Variants in CPA4 observed in about 807,000 individuals in gnomAD.
CPA4 encodes carboxypeptidase A4, also known as carboxypeptidase A3.
In CPA4, 49 loss-of-function variants were observed where a neutral mutation model predicts 54.7. That is an observed-to-expected ratio of 0.90 (90% CI 0.71 to 1.14). The LOEUF is 1.14. Among genes scored for constraint, CPA4 ranks in the 50% most tolerant of loss-of-function variants. The probability of loss-of-function intolerance (pLI) is 0.00; values close to 1 mark genes in which losing one functional copy is unlikely to be tolerated. For synonymous variants in CPA4, 215 were observed against 206.8 expected (o/e 1.04, Z -0.34); for missense variants, 487 against 525.1 (o/e 0.93, Z 0.71).
intron 8 of CPA4, among the ~76,000 whole-genome samples, chr7:130,308,691 G>T (rs1793865219): frequency 6.6e-6 from 1 of 150,652 alleles, no homozygotes; most frequent in African/African-American, 2.5e-5. Context: ...CTGAGTAGCT[G>T]GGACTGCAGG....
chr7:130,312,148 A>T lies in CPA4; in HGVS notation c.1078+26A>T, dbSNP rs192320982. Reference sequence around the variant, plus strand: ...GTAAGTACTCGCTTATTTATGAGTTATTTAGAAAGCACTTTGAGAGGAAAC... The same window carrying T: ...GTAAGTACTCGCTTATTTATGAGTTTTTTAGAAAGCACTTTGAGAGGAAAC... On this transcript the variant is annotated intron_variant, in intron 10 of 10. Coordinates refer to ENST00000222482, the MANE Select transcript of CPA4 (RefSeq NM_016352.4). The T allele has an allele frequency of 5.6e-5, 87 of 1,541,398 alleles. 1 individual carries two copies. In the Admixed American group the frequency reaches 1.2e-3, roughly 20 times the overall value.
chr7:130,295,553 T>C (rs1420246640), intron 1 of CPA4, among the ~76,000 whole-genome samples: 3 of 152,210 alleles, frequency 2.0e-5, no homozygotes, highest in Admixed American at 2.0e-4. Context: ...TCCACCATCT[T>C]GAGCCTCATG....
At chr7:130,298,679 G>T (rs971898181) in intron 1 of CPA4, 67 bp from the exon 2 acceptor site, 4 of 952,668 alleles carry the variant, frequency 4.2e-6, no homozygotes, top group South Asian at 1.3e-5. Context: ...GAGGCTTGGG[G>T]GTTTCTTTGC....
In CPA4 at chr7:130,306,914, G is replaced by A. The variant is rs780397025; in HGVS notation, c.702+17G>A. On this transcript the variant is annotated intron_variant, in intron 7 of 10. Coordinates refer to ENST00000222482, the MANE Select transcript of CPA4 (RefSeq NM_016352.4). ...CAAACTCAAGTGAGTATTCCCAAATGGGCTGGGCTTGCAGACTGTTGAATT... is the reference window on the plus strand; with the variant it reads ...CAAACTCAAGTGAGTATTCCCAAATAGGCTGGGCTTGCAGACTGTTGAATT... The A allele has an allele frequency of 5.1e-6, 7 of 1,364,434 alleles. No homozygotes were observed. In the African/African-American group the frequency reaches 8.6e-5, roughly 17 times the overall value. The allele number at this position is 1,364,434 out of a possible 1,614,324, so 84.5% of individuals were successfully genotyped here.
At chr7:130,315,103 T>G (rs1793969370) in intron 10 of CPA4, among the ~76,000 whole-genome samples, 2 of 149,752 alleles carry the variant, frequency 1.3e-5, no homozygotes, top group East Asian at 2.0e-4. Context: ...TCCACTTAGG[T>G]GTGAGGGGGG....
At chr7:130,301,017 C>T in intron 4 of CPA4, 103 bp downstream of exon 4, 2 of 743,302 alleles carry the variant, frequency 2.7e-6, no homozygotes, top group Admixed American at 2.1e-5. Context: ...ACAATATCCC[C>T]TCACTGAGGG....
intron 1 of CPA4, among the ~76,000 whole-genome samples, chr7:130,295,682 A>T (rs927997963): frequency 6.6e-5 from 10 of 152,182 alleles, no homozygotes; most frequent in African/African-American, 2.4e-4. Flanking sequence ...GCTTCTGTTC[A>T]TAAGGATAAT....
At chr7:130,319,243 T>C (rs182406065) in intron 10 of CPA4, among the ~76,000 whole-genome samples, 2 of 152,344 alleles carry the variant, frequency 1.3e-5, no homozygotes, top group Admixed American at 1.3e-4. Context: ...ACAAGTTCTT[T>C]GGGTTCATCT....
chr7:130,319,999 C>T (rs1047098176), intron 10 of CPA4, among the ~76,000 whole-genome samples: 1 of 152,020 alleles, frequency 6.6e-6, no homozygotes, highest in African/African-American at 2.4e-5. Flanking sequence ...GACCTTGGTT[C>T]GGGGGCGGCT....
intron 1 of CPA4, among the ~76,000 whole-genome samples, chr7:130,296,159 G>A (rs1428622897): frequency 6.6e-6 from 1 of 152,206 alleles, no homozygotes; most frequent in Admixed American, 6.5e-5. Context: ...ATGGATTGCA[G>A]GCAGTGGGAA....
chr7:130,304,737 C>A, intron 5 of CPA4, 158 bp downstream of exon 5: 1 of 623,370 alleles, frequency 1.6e-6, no homozygotes. Flanking sequence ...CTGACAGAGC[C>A]CCTTGCTTTT....
rs575191589 is a variant in CPA4 at position 130,324,175 on chromosome 7, G to A, written c.*1499G>A. On this transcript the variant is annotated 3_prime_UTR_variant, in exon 11 of 11. Coordinates refer to ENST00000222482, the MANE Select transcript of CPA4 (RefSeq NM_016352.4). ...ATAAGCCAATAAATATTCAATGTGAGTTTCATGATCATCTCCTATTCTTTG... is the reference window on the plus strand; with the variant it reads ...ATAAGCCAATAAATATTCAATGTGAATTTCATGATCATCTCCTATTCTTTG... 1 of 152,706 alleles carries A rather than the reference G, an allele frequency of 6.5e-6. No homozygotes were observed. Among genetic ancestry groups the A allele is most frequent in the East Asian group, 1.9e-4 (1 of 5,188 alleles). 9.5% of individuals were successfully genotyped at this position (152,706 alleles called of 1,614,324 possible).
Position 130,300,674 on chromosome 7 carries a change from C to G in CPA4, c.286-142C>G, listed in dbSNP as rs2129804. ...ATAAAGATATGAAAGAAATCTAACC[C>G]CCTTTTAAACCTTGACATTTGTGCT... On this transcript the variant is annotated intron_variant, in intron 3 of 10. Transcript: ENST00000222482. 8.8e-3 allele frequency: 5,205 copies of G among 590,770 alleles called. 218 individuals carry two copies. Among genetic ancestry groups the G allele is most frequent in the African/African-American group, 0.088 (4,707 of 53,742 alleles). The allele number at this position is 590,770 out of a possible 1,614,324, so 36.6% of individuals were successfully genotyped here.
rs1170757690 is a variant in CPA4 at position 130,305,833 on chromosome 7, C to T, written c.504C>T (p.Gly168=). 4.3e-6 allele frequency: 7 copies of T among 1,613,976 alleles called. No homozygotes were observed. The highest frequency in any genetic ancestry group is 2.2e-5 in the East Asian group (1 of 44,900). Residue 168 remains glycine (G), a synonymous_variant, in exon 6 of 11, where the codon GGC becomes GGT. Transcript: ENST00000222482. ...TTCTGCAGTTCAGCACTGGGAAAGG[C>T]GTGAGGCGGCCGGCCGTTTGGCTGA... ...MYVLKFSTGK[G]VRRPAVWLNA... is the part of the protein sequence containing the mutation.
rs777431617 is a variant in CPA4 at position 130,322,702 on chromosome 7, T to C, written c.*26T>C. ...GCGATGGCTCTGCTCTGTCTACATT[T>C]ATTTGTACCCACACGTGCACGCACT... On this transcript the variant is annotated 3_prime_UTR_variant, in exon 11 of 11. Transcript: ENST00000222482. 3.1e-6 allele frequency: 5 copies of C among 1,601,132 alleles called. No homozygotes were observed. The highest frequency in any genetic ancestry group is 2.2e-5 in the East Asian group (1 of 44,728).
At position 130,305,824 on chromosome 7, in the gene CPA4, T is replaced by C. The variant is rs773678294; in HGVS notation, c.495T>C (p.Thr165=). 3.7e-6 allele frequency: 6 copies of C among 1,614,070 alleles called. No homozygotes were observed. Among genetic ancestry groups the C allele is most frequent in the Non-Finnish European group, 4.2e-6 (5 of 1,179,932 alleles). ...NRPMYVLKFS[T]GKGVRRPAVW... ...TTTTCTCCCTTCTGCAGTTCAGCAC[T>C]GGGAAAGGCGTGAGGCGGCCGGCCG... Residue 165 remains threonine (T), a synonymous_variant, in exon 6 of 11, where the codon ACT becomes ACC. Transcript: ENST00000222482.
At chr7:130,311,991 A>G in intron 9 of CPA4, 47 bp from the exon 10 acceptor site, 1 of 1,393,988 alleles carries the variant, frequency 7.2e-7, no homozygotes, top group South Asian at 1.2e-5. Context: ...AGGAAGGTCA[A>G]GCTTCAGGAT....
chr7:130,295,718 A>C (rs946404733), intron 1 of CPA4, among the ~76,000 whole-genome samples: 2 of 152,102 alleles, frequency 1.3e-5, no homozygotes, highest in Non-Finnish European at 1.5e-5. Flanking sequence ...AGTGGCTCAC[A>C]CCTGTAATCC....
chr7:130,304,483 C>T lies in CPA4; in HGVS notation c.390C>T (p.Tyr130=), dbSNP rs1356947330. The change falls in exon 5 of 11, where the codon TAC becomes TAT. Residue 130 remains tyrosine (Y), a synonymous_variant. Transcript: ENST00000222482. ...TTCACTCTTTCATGCTTCAGATTTA[C>T]CACGAGATGGACAACATTGCCGCAG... ...YGAYHSLEAI[Y]HEMDNIAADF... is the part of the protein sequence containing the mutation. 3 of 1,601,692 alleles carry T rather than the reference C, an allele frequency of 1.9e-6. No homozygotes were observed. Among genetic ancestry groups the T allele is most frequent in the East Asian group, 2.2e-5 (1 of 44,856 alleles).
Sources: gnomAD v4.1 joint callset for allele counts (sites outside exome capture counted in the v4.1 genomes callset) on GRCh38, gnomAD v4.1.1 for gene constraint, MANE v1.5 for transcripts, NCBI Gene and HGNC (gene_info 2026-07-23, HGNC 2026-07-21) for gene names.